The following SORBS2 variants were observed in gnomAD, a reference collection of about 807,000 sequenced individuals.
The protein encoded by SORBS2 is sorbin and SH3 domain-containing protein 2.
Under a neutral mutation model 97.7 loss-of-function variants are expected in SORBS2, and 46 were observed. The observed-to-expected ratio is 0.47, with a 90% confidence interval of 0.37 to 0.60. The LOEUF (loss-of-function observed/expected upper bound fraction) is 0.60. Among genes scored for constraint, SORBS2 ranks in the 20% least tolerant of loss-of-function variants. SORBS2 has a pLI of 0.00. For missense variants in SORBS2, 1,316 were observed against 1,282.3 expected (o/e 1.03, Z -0.40); for synonymous variants, 476 against 473.4 (o/e 1.01, Z -0.07).
At chr4:185,952,905 A>ATG (rs1290324806) in intron 1 of SORBS2, among the ~76,000 whole-genome samples, 6 of 152,308 alleles carry the variant, frequency 3.9e-5, no homozygotes, top group African/African-American at 1.4e-4. Context: ...GAAAAAGAAA[A>ATG]TGTGTGTGTG....
intron 1 of SORBS2, among the ~76,000 whole-genome samples, chr4:185,872,131 A>G (rs2099230747): frequency 6.6e-6 from 1 of 152,200 alleles, no homozygotes; most frequent in Admixed American, 6.5e-5. Context: ...CCTCATTTTC[A>G]TGTTCTGAAG....
chr4:185,603,719 T>C (rs954041429), intron 12 of SORBS2, among the ~76,000 whole-genome samples: 2 of 152,218 alleles, frequency 1.3e-5, no homozygotes, highest in African/African-American at 2.4e-5. Context: ...GATGGACTAA[T>C]TTCATGCTGT....
At chr4:185,798,028 A>C (rs948078001) in intron 1 of SORBS2, among the ~76,000 whole-genome samples, 1 of 152,208 alleles carries the variant, frequency 6.6e-6, no homozygotes, top group Non-Finnish European at 1.5e-5. Context: ...AACAGTCACC[A>C]AGAGTAGCAA....
At chr4:185,679,225 T>G (rs752180873) in intron 2 of SORBS2, among the ~76,000 whole-genome samples, 2 of 152,196 alleles carry the variant, frequency 1.3e-5, no homozygotes, top group Non-Finnish European at 2.9e-5. Flanking sequence ...GATAAGCATA[T>G]TTAACTCCTG....
intron 1 of SORBS2, among the ~76,000 whole-genome samples, chr4:185,925,401 A>C (rs2099263110): frequency 6.9e-6 from 1 of 145,838 alleles, no homozygotes; most frequent in Non-Finnish European, 1.6e-5. Context: ...CATTTTACAA[A>C]ATAGCACATT....
intron 2 of SORBS2, among the ~76,000 whole-genome samples, chr4:185,715,862 A>C (rs1167263899): frequency 6.6e-6 from 1 of 152,242 alleles, no homozygotes; most frequent in African/African-American, 2.4e-5. Context: ...TGCTTAATAA[A>C]TGTTGCTGGA....
chr4:185,629,006 C>A (rs1258200429), intron 5 of SORBS2, among the ~76,000 whole-genome samples: 1 of 152,210 alleles, frequency 6.6e-6, no homozygotes, highest in Non-Finnish European at 1.5e-5. Flanking sequence ...GCAACAGCAG[C>A]AACCCCAGCT....
At chr4:185,655,421 G>A (rs569600061) in intron 1 of SORBS2, among the ~76,000 whole-genome samples, 1 of 152,320 alleles carries the variant, frequency 6.6e-6, no homozygotes, top group Non-Finnish European at 1.5e-5. Context: ...GAGACAGCCT[G>A]ACTTGACATT....
intron 2 of SORBS2, among the ~76,000 whole-genome samples, chr4:185,709,120 C>T (rs1029501324): frequency 1.6e-4 from 25 of 152,244 alleles, no homozygotes; most frequent in African/African-American, 6.0e-4. Flanking sequence ...CGGGTTCAAG[C>T]GATTCTCCCT....
At chr4:185,947,213 A>G (rs1438392318) in intron 1 of SORBS2, among the ~76,000 whole-genome samples, 1 of 152,208 alleles carries the variant, frequency 6.6e-6, no homozygotes, top group East Asian at 1.9e-4. Context: ...CAGTGTCCAC[A>G]GCAATCTCGC....
At chr4:185,730,045 C>A (rs942040851) in intron 2 of SORBS2, among the ~76,000 whole-genome samples, 1 of 152,084 alleles carries the variant, frequency 6.6e-6, no homozygotes, top group Non-Finnish European at 1.5e-5. Context: ...CTCCGCCTCC[C>A]GGGTTCACGC....
At chr4:185,938,889 C>G (rs894677628) in intron 1 of SORBS2, among the ~76,000 whole-genome samples, 1 of 152,074 alleles carries the variant, frequency 6.6e-6, no homozygotes, top group Non-Finnish European at 1.5e-5. Flanking sequence ...ACATTATGTC[C>G]GCTTCAAAGC....
chr4:185,626,099 A>T (rs2096806623), intron 6 of SORBS2, among the ~76,000 whole-genome samples: 1 of 150,172 alleles, frequency 6.7e-6, no homozygotes, highest in Admixed American at 6.6e-5. Flanking sequence ...CTCAAGGAAT[A>T]CCACTAAATG....
rs140416244 is a variant in SORBS2 at position 185,615,021 on chromosome 4, A to G, written c.2466+24T>C. The G allele has an allele frequency of 4.8e-5, 78 of 1,613,440 alleles. No homozygotes were observed. The East Asian group carries it at 1.7e-3, about 35-fold the overall frequency. ...GTGACCTTTGAAACCACCGCCATCC[A>G]AGAGAGAAAGGGAGAGGACCTACCT... On this transcript the variant is annotated intron_variant, in intron 10 of 14. Coordinates refer to ENST00000418609, the Ensembl canonical transcript of SORBS2.
intron 2 of SORBS2, among the ~76,000 whole-genome samples, chr4:185,751,675 G>A (rs1164238605): frequency 1.3e-5 from 2 of 152,214 alleles, no homozygotes; most frequent in South Asian, 2.1e-4. Context: ...ACACATGAAC[G>A]AAAGAGGCTA....
At chr4:185,844,791 C>T (rs2099213589) in intron 1 of SORBS2, among the ~76,000 whole-genome samples, 1 of 152,146 alleles carries the variant, frequency 6.6e-6, no homozygotes, top group African/African-American at 2.4e-5. Context: ...GAATGAAGTA[C>T]TGATACATGC....
chr4:185,947,988 G>A (rs373271272), intron 1 of SORBS2, among the ~76,000 whole-genome samples: 1 of 152,202 alleles, frequency 6.6e-6, no homozygotes, highest in African/African-American at 2.4e-5. Context: ...CACTAAGGAA[G>A]TGCTAATCAA....
intron 1 of SORBS2, among the ~76,000 whole-genome samples, chr4:185,850,492 A>G (rs146845827): frequency 6.6e-6 from 1 of 152,294 alleles, no homozygotes; most frequent in East Asian, 1.9e-4. Context: ...TGGCCTTGGA[A>G]AATTTTGCTG....
intron 1 of SORBS2, among the ~76,000 whole-genome samples, chr4:185,941,774 C>A (rs184395324): frequency 6.6e-6 from 1 of 152,122 alleles, no homozygotes; most frequent in Non-Finnish European, 1.5e-5. Flanking sequence ...GTGGAAAGAA[C>A]GTTAGAGATT....
Sources: allele counts gnomAD v4.1 joint callset (sites outside exome capture counted in the v4.1 genomes callset), GRCh38; gene constraint gnomAD v4.1.1; transcripts MANE v1.5; gene names NCBI Gene and HGNC (gene_info 2026-07-23, HGNC 2026-07-21).